The following RABGEF1 variants were observed in gnomAD, a reference collection of about 807,000 sequenced individuals.
RABGEF1 encodes rab5 GDP/GTP exchange factor.
In RABGEF1, 26 loss-of-function variants were observed where a neutral mutation model predicts 57.3. The observed-to-expected ratio is 0.45, with a 90% CI of 0.33 to 0.63. The LOEUF (loss-of-function observed/expected upper bound fraction) is 0.63, where lower values mean the gene tolerates loss of function less well. Among genes scored for constraint, RABGEF1 ranks in the 20% least tolerant of loss-of-function variants. The pLI is 0.02. For missense variants in RABGEF1, 464 were observed against 607.6 expected (o/e 0.76, Z 2.48); for synonymous variants, 185 against 210.7 (o/e 0.88, Z 1.06).
intron 8 of RABGEF1, among the ~76,000 whole-genome samples, chr7:66,807,168 C>G (rs1161422157): frequency 2.6e-5 from 4 of 152,224 alleles, no homozygotes; most frequent in Admixed American, 6.5e-5. Flanking sequence ...TTAGCAGCTT[C>G]TAGTGCCCTT....
chr7:66,728,977 G>A (rs1311663203), intron 2 of RABGEF1, among the ~76,000 whole-genome samples: 13 of 138,386 alleles, frequency 9.4e-5, no homozygotes, highest in South Asian at 2.3e-4. Context: ...TTGAGGCAGA[G>A]TCTTGCTCTG....
chr7:66,714,337 A>G (rs1795115472), intron 2 of RABGEF1, among the ~76,000 whole-genome samples: 1 of 152,232 alleles, frequency 6.6e-6, no homozygotes, highest in African/African-American at 2.4e-5. Context: ...CTACATTGTT[A>G]AATTTATGAT....
chr7:66,790,284 G>A (rs572542866), intron 4 of RABGEF1, among the ~76,000 whole-genome samples: 8 of 152,364 alleles, frequency 5.3e-5, no homozygotes, highest in African/African-American at 1.7e-4. Flanking sequence ...AGCAAGCACT[G>A]CCAAGCTGAA....
intron 1 of RABGEF1, among the ~76,000 whole-genome samples, 151 bp downstream of exon 1, chr7:66,740,943 T>C (rs1021230538): frequency 5.9e-5 from 9 of 152,126 alleles, no homozygotes; most frequent in Admixed American, 3.9e-4. Context: ...CCCGCTGTCC[T>C]TCGTCCCACA....
At chr7:66,701,797 A>G (rs1793313535) in intron 1 of RABGEF1, among the ~76,000 whole-genome samples, 1 of 152,170 alleles carries the variant, frequency 6.6e-6, no homozygotes, top group Non-Finnish European at 1.5e-5. Context: ...CTATTTATAG[A>G]TTCTGGATAC....
chr7:66,668,684 C>G, the RABGEF1 span: 3 of 152,288 alleles, frequency 2.0e-5, no homozygotes, highest in African/African-American at 4.8e-5. Flanking sequence ...CACTGCAGAG[C>G]CCCTGGCAAG....
chr7:66,800,509 G>A (rs1404458395), intron 7 of RABGEF1, among the ~76,000 whole-genome samples: 1 of 152,154 alleles, frequency 6.6e-6, no homozygotes, highest in Non-Finnish European at 1.5e-5. Flanking sequence ...AAGTGGCCCA[G>A]ATCAATACTA....
the RABGEF1 span, among the ~76,000 whole-genome samples, chr7:66,661,232 G>A: frequency 7.3e-6 from 1 of 137,786 alleles, no homozygotes; most frequent in Non-Finnish European, 1.5e-5. Flanking sequence ...CCAGGAGGCT[G>A]AGCTTGCAGT....
chr7:66,716,653 C>CT (rs534547578), intron 2 of RABGEF1, among the ~76,000 whole-genome samples: 1 of 151,762 alleles, frequency 6.6e-6, no homozygotes, highest in East Asian at 1.9e-4. Context: ...ATAGTCATGT[C>CT]TTTTTTTAAA....
the RABGEF1 span, among the ~76,000 whole-genome samples, chr7:66,661,214 G>A: frequency 1.4e-5 from 2 of 140,000 alleles, no homozygotes; most frequent in African/African-American, 5.4e-5. Context: ...CAGGAGAATG[G>A]CGTAAACCCA....
At chr7:66,724,365 TA>T (rs199607958) in intron 2 of RABGEF1, among the ~76,000 whole-genome samples, 68 of 151,176 alleles carry the variant, frequency 4.5e-4, no homozygotes, top group African/African-American at 1.6e-3. Context: ...TTATTTATTT[TA>T]TTTTTTTTTT....
chr7:66,668,120 C>T, the RABGEF1 span, among the ~76,000 whole-genome samples: 7 of 151,402 alleles, frequency 4.6e-5, no homozygotes, highest in Admixed American at 2.0e-4. Flanking sequence ...TTTTTAGAGA[C>T]AGGGTTTTGC....
intron 1 of RABGEF1, among the ~76,000 whole-genome samples, chr7:66,702,461 G>T (rs560256131): frequency 6.6e-6 from 1 of 151,438 alleles, no homozygotes; most frequent in Non-Finnish European, 1.5e-5. Flanking sequence ...ACAAGTTTTT[G>T]TGTGAACTCA....
At chr7:66,656,761 G>A in the RABGEF1 span, among the ~76,000 whole-genome samples, 1 of 150,474 alleles carries the variant, frequency 6.6e-6, no homozygotes, top group African/African-American at 2.4e-5. Context: ...CAGAGGTTGT[G>A]GGGAGTCAAG....
chr7:66,723,738 G>A (rs932645414), intron 2 of RABGEF1, among the ~76,000 whole-genome samples: 4 of 148,330 alleles, frequency 2.7e-5, no homozygotes, highest in African/African-American at 7.3e-5. Context: ...GTGACACCAC[G>A]CCTGGCCACT....
At chr7:66,690,046 G>A (rs73135917) in intron 1 of RABGEF1, among the ~76,000 whole-genome samples, 15,822 of 151,406 alleles carry the variant, frequency 0.1, 902 homozygotes, top group Non-Finnish European at 0.11. Flanking sequence ...GCCAGACAAA[G>A]GCACTACAAG....
Position 66,711,325 on chromosome 7 carries a change from C to T in RABGEF1, c.-872-842C>T, listed in dbSNP as rs73137947. ...TTGCCTAACCTAATTATTTGCCTAACCTAATGTCACAATATTTTTTTCGAT... is the reference window on the plus strand; with the variant it reads ...TTGCCTAACCTAATTATTTGCCTAATCTAATGTCACAATATTTTTTTCGAT... On this transcript the variant is annotated intron_variant and NMD_transcript_variant, in intron 1 of 9. Transcript: ENST00000607882. Among the ~76,000 whole-genome samples, 350 of 151,754 alleles carry T rather than the reference C, an allele frequency of 2.3e-3. 1 individual carries two copies. The highest frequency in any genetic ancestry group is 8.2e-3 in the African/African-American group (341 of 41,438).
rs1221515101 is a variant in RABGEF1 at position 66,744,922 on chromosome 7, G to A, written c.-18+4130G>A. ...AAAAAAATGTTATCAGCCGCACACG[G>A]TGGCTCACGCCTGTAATCCCAGCAC... On this transcript the variant is annotated intron_variant, in intron 1 of 8. Coordinates refer to ENST00000284957, the MANE Select transcript of RABGEF1 (RefSeq NM_014504.3). Among the ~76,000 whole-genome samples the A allele has an allele frequency of 3.3e-5, 5 of 152,128 alleles. No individual in the cohort carries two copies. In the East Asian group the frequency reaches 9.7e-4, roughly 29 times the overall value.
At chr7:66,664,457 G>T in the RABGEF1 span, among the ~76,000 whole-genome samples, 1 of 151,382 alleles carries the variant, frequency 6.6e-6, no homozygotes, top group Non-Finnish European at 1.5e-5. Flanking sequence ...GTCAAGGGTA[G>T]TGGAGTGCCC....
Sources: gnomAD v4.1 joint callset for allele counts (sites outside exome capture counted in the v4.1 genomes callset) on GRCh38, gnomAD v4.1.1 for gene constraint, MANE v1.5 for transcripts, NCBI Gene and HGNC (gene_info 2026-07-23, HGNC 2026-07-21) for gene names.